Variants in PYROXD1 observed in about 807,000 individuals in gnomAD.
PYROXD1 encodes tRNA ligase complex-associated NAD(P)H dehydrogenase PYROXD1.
PYROXD1 carries 42 observed loss-of-function variants against 62.0 expected under a neutral mutation model. The observed-to-expected ratio is 0.68, with a 90% confidence interval of 0.53 to 0.88. PYROXD1 has a LOEUF of 0.88. Ranked by LOEUF, PYROXD1 falls within the 40% of genes least tolerant of loss-of-function variation. The pLI is 0.00. For synonymous variants in PYROXD1, 170 were observed against 206.4 expected, an observed-to-expected ratio of 0.82 and a Z score of 1.51; for missense variants, 493 against 604.8, an observed-to-expected ratio of 0.82 and a Z score of 1.94.
intron 1 of PYROXD1, among the ~76,000 whole-genome samples, chr12:21,438,945 G>C (rs1375971206): frequency 6.6e-6 from 1 of 152,196 alleles, no homozygotes. Context: ...GTATGTCTAT[G>C]CAAGAGATAT....
chr12:21,437,937 C>A lies in PYROXD1; in HGVS notation c.84+123C>A. The A allele has an allele frequency of 3.6e-6, 3 of 843,828 alleles. No individual in the cohort carries two copies. The South Asian group carries it at 5.3e-5, about 15-fold the overall frequency. The allele number at this position is 843,828 out of a possible 1,614,324, so 52.3% of individuals were successfully genotyped here. ...GTTCCTTTTTTGCTGCGCCCTTTTCCGCACTTATTGCTCCCAGATTTTAGA... is the reference window on the plus strand; with the variant it reads ...GTTCCTTTTTTGCTGCGCCCTTTTCAGCACTTATTGCTCCCAGATTTTAGA... On this transcript the variant is annotated intron_variant, in intron 1 of 11. Coordinates refer to ENST00000240651, the MANE Select transcript of PYROXD1 (RefSeq NM_024854.5).
At chr12:21,455,370 TAATAA>T (rs781617653) in intron 6 of PYROXD1, 78 bp downstream of exon 6, 37 of 875,750 alleles carry the variant, frequency 4.2e-5, no homozygotes, top group Non-Finnish European at 5.6e-5. Context: ...CAAGAAAATT[TAATAA>T]AATAAATTTT....
chr12:21,446,799 C>A (rs1477718491), intron 3 of PYROXD1, among the ~76,000 whole-genome samples: 1 of 151,970 alleles, frequency 6.6e-6, no homozygotes, highest in Admixed American at 6.6e-5. Context: ...CTTGTAGTCC[C>A]AGCTACTTTG....
In PYROXD1 at chr12:21,440,351, C is replaced by A; in HGVS notation, c.85-17C>A. The A allele has an allele frequency of 6.6e-7, 1 of 1,506,970 alleles. No homozygotes were observed. Among genetic ancestry groups the A allele is most frequent in the Non-Finnish European group, 9.1e-7 (1 of 1,097,682 alleles). The allele number at this position is 1,506,970 out of a possible 1,614,324, so 93.3% of individuals were successfully genotyped here. A position where few individuals can be genotyped will look rare whatever the true frequency, so the allele number is the denominator to read the frequency against. ...AGTAATTTGTCCTAATTTTTTTTCT[C>A]TCTTTTTAAAAATAAGTTGGCTACT... On this transcript the variant is annotated splice_polypyrimidine_tract_variant and intron_variant, in intron 1 of 11. Coordinates refer to ENST00000240651, the MANE Select transcript of PYROXD1 (RefSeq NM_024854.5).
intron 7 of PYROXD1, among the ~76,000 whole-genome samples, chr12:21,460,610 A>G (rs1039708021): frequency 2.0e-5 from 3 of 151,910 alleles, no homozygotes; most frequent in Non-Finnish European, 4.4e-5. Flanking sequence ...TTTAGTAGAG[A>G]CAGGGTTTCA....
intron 6 of PYROXD1, among the ~76,000 whole-genome samples, chr12:21,455,545 A>G (rs1942580908): frequency 1.3e-5 from 2 of 151,480 alleles, no homozygotes; most frequent in South Asian, 4.1e-4. Flanking sequence ...AACAGATACT[A>G]CATTTTGGCA....
At chr12:21,439,495 C>T (rs1440314154) in intron 1 of PYROXD1, among the ~76,000 whole-genome samples, 1 of 152,028 alleles carries the variant, frequency 6.6e-6, no homozygotes, top group Non-Finnish European at 1.5e-5. Context: ...GTGTTGGGCA[C>T]GATAGCTCAC....
At chr12:21,462,393 A>G (rs1231761068) in intron 9 of PYROXD1, among the ~76,000 whole-genome samples, 1 of 152,076 alleles carries the variant, frequency 6.6e-6, no homozygotes, top group African/African-American at 2.4e-5. Context: ...ACCTCCCGTG[A>G]CTTCTCAAAA....
chr12:21,440,501 T>C, intron 2 of PYROXD1, 53 bp downstream of exon 2: 1 of 983,706 alleles, frequency 1.0e-6, no homozygotes, highest in East Asian at 2.4e-5. Context: ...TTGCAATAAC[T>C]TGCATAGCAG....
chr12:21,466,570 G>T (rs1403169356), intron 10 of PYROXD1, among the ~76,000 whole-genome samples: 1 of 152,196 alleles, frequency 6.6e-6, no homozygotes, highest in Non-Finnish European at 1.5e-5. Flanking sequence ...GGGCTGAGCT[G>T]ATGGGGTTTT....
rs780178669 is a variant in PYROXD1, at chr12:21,449,674, G to T, written c.397G>T (p.Asp133Tyr). 9.9e-6 allele frequency: 16 copies of T among 1,611,692 alleles called. No individual in the cohort carries two copies. Among genetic ancestry groups the T allele is most frequent in the Non-Finnish European group, 1.4e-5 (16 of 1,178,916 alleles). ...AAATCCTTATGTATTAGGAATCCGT[G>T]ATACAGACAGTGCTCAGGTAACATT... ...EGNPYVLGIR[D>Y]TDSAQEFQKQ... The change falls in exon 4 of 12, where the codon GAT (aspartate) becomes TAT (tyrosine). Residue 133 changes from aspartate (D) to tyrosine (Y), a missense_variant. Physicochemically the swap from Asp to Tyr is radical, Grantham distance 160 (BLOSUM62 -3). Transcript: ENST00000240651.
intron 7 of PYROXD1, among the ~76,000 whole-genome samples, chr12:21,458,587 A>T (rs1942641168): frequency 6.6e-6 from 1 of 152,190 alleles, no homozygotes; most frequent in South Asian, 2.1e-4. Flanking sequence ...ATTTAAAGTG[A>T]GAGATGTGTG....
chr12:21,458,936 T>G (rs1438240906), intron 7 of PYROXD1, among the ~76,000 whole-genome samples: 1 of 152,100 alleles, frequency 6.6e-6, no homozygotes, highest in East Asian at 1.9e-4. Context: ...ATTGGAAAAA[T>G]GGCACTGATA....
chr12:21,462,038 A>G lies in PYROXD1; in HGVS notation c.911A>G (p.Asn304Ser), dbSNP rs1175403864. 17 of 1,612,034 alleles carry G rather than the reference A, an allele frequency of 1.1e-5. No homozygotes were observed. The highest frequency in any genetic ancestry group is 2.2e-5 in the South Asian group (2 of 90,980). Residue 304 changes from asparagine (N) to serine (S), a missense_variant, in exon 9 of 12, where the codon AAT (asparagine) becomes AGT (serine). Around this residue, in one of 2 missense-constraint regions of PYROXD1, gnomAD observed 329 missense variants for 446.6 expected, o/e 0.74. Coordinates refer to ENST00000240651, the MANE Select transcript of PYROXD1 (RefSeq NM_024854.5). ...TGGCCTGTCTATGTGGAATTGACCA[A>G]TGAAAAGATATATGGCTGCGATTTC... ...EMWPVYVELT[N>S]EKIYGCDFIV...
At chr12:21,451,460 A>G (rs570838234) in intron 4 of PYROXD1, among the ~76,000 whole-genome samples, 54 of 151,466 alleles carry the variant, frequency 3.6e-4, no homozygotes, top group African/African-American at 1.2e-3. Context: ...TTTTTTTAGT[A>G]GAAGTTTGAC....
chr12:21,462,878 T>C lies in PYROXD1; in HGVS notation c.1116+16T>C. ...CTGGCAGCAGGTAAGCTAGCATATA[T>C]AATTATATGTTTTCATCAGAGATTC... is the stretch of plus-strand genomic sequence containing the variant. On this transcript the variant is annotated intron_variant, in intron 10 of 11. Coordinates refer to ENST00000240651, the MANE Select transcript of PYROXD1 (RefSeq NM_024854.5). The C allele has an allele frequency of 1.2e-6, 2 of 1,600,220 alleles. No homozygotes were observed. The highest frequency in any genetic ancestry group is 1.1e-5 in the South Asian group (1 of 88,662).
intron 5 of PYROXD1, among the ~76,000 whole-genome samples, chr12:21,452,530 T>C (rs67104487): frequency 0.086 from 13,090 of 152,196 alleles, 724 homozygotes; most frequent in African/African-American, 0.15. Flanking sequence ...CACTTTTTAT[T>C]GCTTATATGA....
intron 1 of PYROXD1, among the ~76,000 whole-genome samples, chr12:21,438,927 A>G (rs1332282941): frequency 6.6e-6 from 1 of 152,206 alleles, no homozygotes; most frequent in Non-Finnish European, 1.5e-5. Context: ...AGACAATATT[A>G]CAATATTGTA....
chr12:21,461,294 T>A, intron 8 of PYROXD1, 140 bp downstream of exon 8: 1 of 547,210 alleles, frequency 1.8e-6, no homozygotes, highest in Non-Finnish European at 3.0e-6. Flanking sequence ...AACCATAATT[T>A]AATAACATTA....
Sources: allele counts gnomAD v4.1 joint callset (sites outside exome capture counted in the v4.1 genomes callset), GRCh38; gene constraint gnomAD v4.1.1; regional missense constraint gnomAD v4.1.1; transcripts MANE v1.5; gene names NCBI Gene and HGNC (gene_info 2026-07-23, HGNC 2026-07-21).